The following PKHD1 variants were observed in gnomAD, a reference collection of about 807,000 sequenced individuals.
The protein encoded by PKHD1 is PKHD1 ciliary IPT domain containing fibrocystin/polyductin, also known as fibrocystin.
Under a neutral mutation model 412.0 loss-of-function variants are expected in PKHD1, and 291 were observed. The observed-to-expected ratio is 0.71, with a 90% CI of 0.64 to 0.78. The LOEUF is 0.78. Among genes scored for constraint, PKHD1 ranks in the 30% least tolerant of loss-of-function variants. The pLI is 0.00. For synonymous variants in PKHD1, 1,777 were observed against 1,821.5 expected, an observed-to-expected ratio of 0.98 and a Z score of 0.62; for missense variants, 4,825 against 4,950.7, an observed-to-expected ratio of 0.97 and a Z score of 0.76.
chr6:52,010,898 T>A (rs957874319), intron 34 of PKHD1, among the ~76,000 whole-genome samples: 1 of 152,106 alleles, frequency 6.6e-6, no homozygotes, highest in Non-Finnish European at 1.5e-5. Flanking sequence ...TGAATCCCCC[T>A]AGGGCAGATG....
At chr6:51,892,678 T>C (rs1180561896) in intron 43 of PKHD1, among the ~76,000 whole-genome samples, 2 of 152,230 alleles carry the variant, frequency 1.3e-5, no homozygotes, top group Non-Finnish European at 2.9e-5. Flanking sequence ...TATGAAAACA[T>C]GGTTAATTAC....
At chr6:51,623,453 A>G (rs987477549) in intron 66 of PKHD1, among the ~76,000 whole-genome samples, 2 of 152,060 alleles carry the variant, frequency 1.3e-5, no homozygotes, top group African/African-American at 4.8e-5. Context: ...ATTATATTTG[A>G]GTGAGTTATT....
At chr6:51,654,643 C>CAAA (rs34402676) in intron 61 of PKHD1, among the ~76,000 whole-genome samples, 1 of 147,654 alleles carries the variant, frequency 6.8e-6, no homozygotes, top group African/African-American at 2.5e-5. Context: ...AGCAAAATAG[C>CAAA]AAAAAAAAAA....
At chr6:51,950,220 A>AAAAAAATATATATATATATATATAT in intron 36 of PKHD1, among the ~76,000 whole-genome samples, 23 of 98,290 alleles carry the variant, frequency 2.3e-4, no homozygotes, top group African/African-American at 7.6e-4. Flanking sequence ...GAAAAAAAAA[A>AAAAAAATATATATATATATATATAT]ATATATATAT....
chr6:51,836,360 A>G, intron 51 of PKHD1, 44 bp downstream of exon 51: 2 of 1,276,020 alleles, frequency 1.6e-6, no homozygotes, highest in Non-Finnish European at 2.3e-6. Flanking sequence ...ACTGGAGGAC[A>G]TTCTGCCATA....
Position 51,923,882 on chromosome 6 carries a change from C to T in PKHD1, c.6121+10228G>A, listed in dbSNP as rs894021682. ...CAGCTATGTGTACACAAAATAGAAG[C>T]GAGGCCATGTGTGTCTTAAGTCCAA... On this transcript the variant is annotated intron_variant, in intron 37 of 66. Transcript: ENST00000371117. Among the ~76,000 whole-genome samples the T allele has an allele frequency of 1.1e-4, 16 of 152,104 alleles. No individual in the cohort carries two copies. The East Asian group carries it at 2.5e-3, about 24-fold the overall frequency.
chr6:51,729,538 T>A (rs1227228738), intron 60 of PKHD1, among the ~76,000 whole-genome samples: 1 of 152,176 alleles, frequency 6.6e-6, no homozygotes, highest in Non-Finnish European at 1.5e-5. Flanking sequence ...ATTTTCTGTT[T>A]TACTGTTTTA....
chr6:51,949,899 T>G (rs1790060407), intron 36 of PKHD1, among the ~76,000 whole-genome samples: 1 of 151,980 alleles, frequency 6.6e-6, no homozygotes, highest in South Asian at 2.1e-4. Flanking sequence ...CTGCTGCTGT[T>G]TTTCCCATTT....
chr6:51,870,036 T>C (rs1047776426), intron 47 of PKHD1, among the ~76,000 whole-genome samples: 2 of 152,182 alleles, frequency 1.3e-5, no homozygotes, highest in African/African-American at 4.8e-5. Flanking sequence ...CCTTTGTGCA[T>C]ACATCAAGCC....
rs764470314 is a variant in PKHD1, at chr6:51,836,414, T to A, written c.8163A>T (p.Pro2721=). The change falls in exon 51 of 67, where the codon CCA becomes CCT. Residue 2721 remains proline, a synonymous_variant. Transcript: ENST00000371117. The part of the protein sequence containing the change: ...VILRVKEGMP[P]TISASTSAPE... ...TGTGTTAATACTCACCTGAAATAGT[T>A]GGGGGCATACCTTCCTTCACCCGGA... 2.5e-6 allele frequency: 4 copies of A among 1,610,344 alleles called. No homozygotes were observed. The highest frequency in any genetic ancestry group is 3.4e-6 in the Non-Finnish European group (4 of 1,176,736).
chr6:51,826,229 T>G (rs554484055), intron 52 of PKHD1, among the ~76,000 whole-genome samples: 156 of 152,244 alleles, frequency 1.0e-3, no homozygotes, highest in Middle Eastern at 6.8e-3. Context: ...TTGATAAGCT[T>G]CTCTGGCATT....
At chr6:51,777,685 A>G (rs1241913669) in intron 53 of PKHD1, among the ~76,000 whole-genome samples, 5 of 17,602 alleles carry the variant, frequency 2.8e-4, no homozygotes, top group African/African-American at 1.2e-3. Context: ...TTGGGAAAAA[A>G]AAAAAAAAAA....
intron 60 of PKHD1, among the ~76,000 whole-genome samples, chr6:51,717,132 T>C (rs1000072318): frequency 1.3e-5 from 2 of 152,200 alleles, no homozygotes; most frequent in Non-Finnish European, 2.9e-5. Context: ...CAGTCAACAA[T>C]GGACTCCAAT....
At chr6:52,060,360 T>C (rs965188789) in intron 14 of PKHD1, among the ~76,000 whole-genome samples, 2 of 152,210 alleles carry the variant, frequency 1.3e-5, no homozygotes, top group Admixed American at 6.5e-5. Context: ...CCCTGGATCA[T>C]GGTAGAAGCT....
At chr6:51,895,181 T>G (rs1173384866) in intron 43 of PKHD1, among the ~76,000 whole-genome samples, 1 of 152,230 alleles carries the variant, frequency 6.6e-6, no homozygotes, top group East Asian at 1.9e-4. Flanking sequence ...CAGCCAAGAA[T>G]GGTGGCTCAC....
chr6:51,796,428 A>G lies in PKHD1; in HGVS notation c.8303-5055T>C, dbSNP rs971493079. On this transcript the variant is annotated intron_variant, in intron 52 of 66. Transcript: ENST00000371117. Reference sequence around the variant, plus strand: ...ATTAATCTAGCTAGCAGTCTATTTAATTAGTTTTTTTTTCAAAAAAATCCT... The same window carrying G: ...ATTAATCTAGCTAGCAGTCTATTTAGTTAGTTTTTTTTTCAAAAAAATCCT... Among the ~76,000 whole-genome samples the G allele has an allele frequency of 3.7e-5, 3 of 80,714 alleles. No homozygotes were observed. In the East Asian group the frequency reaches 2.2e-3, roughly 58 times the overall value. The allele number at this position is 80,714 out of a possible 152,430, so 53.0% of individuals were successfully genotyped here.
chr6:51,706,287 G>A (rs1562137320), intron 60 of PKHD1, among the ~76,000 whole-genome samples: 1 of 152,050 alleles, frequency 6.6e-6, no homozygotes, highest in Non-Finnish European at 1.5e-5. Flanking sequence ...ATTGAATGCA[G>A]TCATTCACAA....
intron 35 of PKHD1, among the ~76,000 whole-genome samples, chr6:51,969,499 A>G (rs1114347): frequency 0.38 from 57,835 of 152,018 alleles, 12,812 homozygotes; most frequent in Admixed American, 0.52. Context: ...AGTGTAACCA[A>G]CATCTGAAGA....
rs574463805 is a variant in PKHD1 at position 51,727,308 on chromosome 6, C to T, written c.10156+17077G>A. On this transcript the variant is annotated intron_variant, in intron 60 of 66. Transcript: ENST00000371117. ...TACCAGCAGTAAATCTGTGTGGGTCCGCAGCAACCTCAATTTCTGCCTCCT... is the reference window on the plus strand; with the variant it reads ...TACCAGCAGTAAATCTGTGTGGGTCTGCAGCAACCTCAATTTCTGCCTCCT... Among the ~76,000 whole-genome samples, 214 of 152,114 alleles carry T rather than the reference C, an allele frequency of 1.4e-3. 1 individual carries two copies. Among genetic ancestry groups the T allele is most frequent in the African/African-American group, 5.0e-3 (208 of 41,498 alleles).
Sources: gnomAD v4.1 joint callset for allele counts (sites outside exome capture counted in the v4.1 genomes callset) on GRCh38, gnomAD v4.1.1 for gene constraint, MANE v1.5 for transcripts, NCBI Gene and HGNC (gene_info 2026-07-23, HGNC 2026-07-21) for gene names.